Variants in WDR86 observed in about 807,000 individuals in gnomAD.
WDR86 encodes WD repeat domain 86.
In WDR86, 30 loss-of-function variants were observed where a neutral mutation model predicts 36.5. The observed-to-expected ratio is 0.82, with a 90% CI of 0.61 to 1.11. WDR86 has a LOEUF of 1.11. Among genes scored for constraint, WDR86 ranks in the 50% most tolerant of loss-of-function variants. The probability of loss-of-function intolerance (pLI) is 0.00; values close to 1 mark genes in which losing one functional copy is unlikely to be tolerated. For missense variants in WDR86, 545 were observed against 561.2 expected, an observed-to-expected ratio of 0.97 and a Z score of 0.29; for synonymous variants, 255 against 252.9, an observed-to-expected ratio of 1.01 and a Z score of -0.08.
chr7:151,408,991 A>G lies in WDR86; in HGVS notation c.163+436T>C, dbSNP rs138668819. 10 of 476,936 alleles carry G rather than the reference A, an allele frequency of 2.1e-5. No homozygotes were observed. The Admixed American group carries it at 2.3e-4, about 11-fold the overall frequency. The allele number at this position is 476,936 out of a possible 1,614,324, so 29.5% of individuals were successfully genotyped here. A position where few individuals can be genotyped will look rare whatever the true frequency, so the allele number is the denominator to read the frequency against. ...TTAACAAGCGTCTACTGTTGCTGTG[A>G]GAGTCGTCAACAGGAAATGCCAGCA... is the stretch of plus-strand genomic sequence containing the variant. On this transcript the variant is annotated intron_variant, in intron 1 of 5. Transcript: ENST00000334493.
At chr7:151,387,105 CCAGA>C (rs973338533) in intron 3 of WDR86, among the ~76,000 whole-genome samples, 1 of 152,220 alleles carries the variant, frequency 6.6e-6, no homozygotes, top group African/African-American at 2.4e-5. Flanking sequence ...TGCTTGCGTC[CCAGA>C]CAGTCACAGA....
downstream of WDR86, chr7:151,376,153 T>C (rs1307295718): frequency 1.9e-6 from 1 of 540,078 alleles, no homozygotes; most frequent in Non-Finnish European, 3.3e-6. Context: ...ACTGGGGAAG[T>C]GTCAGGAAGT....
At chr7:151,377,807 C>T (rs1250129217), downstream of WDR86, 3 of 152,286 alleles carry the variant, frequency 2.0e-5, no homozygotes, top group Non-Finnish European at 4.4e-5. Context: ...CAAATGGCTT[C>T]AGCCTGGGAC....
At chr7:151,397,155 C>A (rs1799882521) in intron 2 of WDR86, among the ~76,000 whole-genome samples, 1 of 152,212 alleles carries the variant, frequency 6.6e-6, no homozygotes, top group South Asian at 2.1e-4. Context: ...CAAGGTGCAT[C>A]CCTGCCGGGG....
intron 3 of WDR86, among the ~76,000 whole-genome samples, chr7:151,387,462 CCCTCTAGCTGGTTTCCTGA>C (rs1278988928): frequency 6.6e-6 from 1 of 152,152 alleles, no homozygotes; most frequent in Non-Finnish European, 1.5e-5. Context: ...CCTTGCTGTT[CCCTCTAGCTGGTTTCCTGA>C]CAGGACAGGG....
Position 151,381,890 on chromosome 7 carries a change from G to A in WDR86, c.954C>T (p.Ile318=). Reference sequence around the variant, plus strand: ...CAGAGGGACCTACCTGGATGCAGTTGATGATGAATGTGTGGCCCCGGAACA... The same window carrying A: ...CAGAGGGACCTACCTGGATGCAGTTAATGATGAATGTGTGGCCCCGGAACA... The part of the protein sequence containing the change: ...RRVFRGHTFI[I]NCIQVHGQVL... The change falls in exon 5 of 6, where the codon ATC becomes ATT. Residue 318 remains isoleucine (I), a synonymous_variant. Coordinates refer to ENST00000334493, the MANE Select transcript of WDR86 (RefSeq NM_198285.3). The surrounding 1 kb of genome is among the most constrained non-coding windows in gnomAD (Gnocchi z 4.8). 1 of 1,609,674 alleles carries A rather than the reference G, an allele frequency of 6.2e-7. No homozygotes were observed. Among genetic ancestry groups the A allele is most frequent in the South Asian group, 1.1e-5 (1 of 90,408 alleles).
rs1458512929 is a variant in WDR86, at chr7:151,388,907, A to T, written c.727-3684T>A. Among the ~76,000 whole-genome samples the T allele has an allele frequency of 6.6e-6, 1 of 152,116 alleles. No individual in the cohort carries two copies. Among genetic ancestry groups the T allele is most frequent in the Non-Finnish European group, 1.5e-5 (1 of 68,028 alleles). ...GTTATGAGGGCCCGCCTCATAAATG[A>T]GATGAGTTCCCTTTTATAAAAGGGC... On this transcript the variant is annotated intron_variant, in intron 3 of 5. Coordinates refer to ENST00000334493, the MANE Select transcript of WDR86 (RefSeq NM_198285.3). This position sits in a 1 kb window ranked among gnomAD's most constrained non-coding sequence, Gnocchi z 4.2.
At position 151,381,387 on chromosome 7, in the gene WDR86, G is replaced by GGCGAGCACTCCCGCTCCCAGC; in HGVS notation, c.*174_*194dup. 1 of 1,462,900 alleles carries GGCGAGCACTCCCGCTCCCAGC rather than the reference G, an allele frequency of 6.8e-7. No homozygotes were observed. The highest frequency in any genetic ancestry group is 9.0e-7 in the Non-Finnish European group (1 of 1,117,232). 90.6% of individuals were successfully genotyped at this position (1,462,900 alleles called of 1,614,324 possible). ...AAAGGGAAAAGGGGGCGGTCCCCAG[G>GGCGAGCACTCCCGCTCCCAGC]GCGAGCACTCCCGCTCCCAGCGCCT... On this transcript the variant is annotated 3_prime_UTR_variant, in exon 6 of 6. Coordinates refer to ENST00000334493, the MANE Select transcript of WDR86 (RefSeq NM_198285.3). The surrounding 1 kb of genome is among the most constrained non-coding windows in gnomAD (Gnocchi z 4.8).
At chr7:151,387,411 G>A (rs1046021222) in intron 3 of WDR86, among the ~76,000 whole-genome samples, 18 of 152,144 alleles carry the variant, frequency 1.2e-4, no homozygotes, top group Admixed American at 4.6e-4. Context: ...CACACAGGCC[G>A]AGGGGGCGCT....
intron 3 of WDR86, among the ~76,000 whole-genome samples, chr7:151,393,368 A>G (rs901508650): frequency 5.3e-5 from 8 of 152,138 alleles, no homozygotes; most frequent in African/African-American, 1.9e-4. Context: ...ACTCTCTGCC[A>G]GGACACCCTA....
downstream of WDR86, among the ~76,000 whole-genome samples, chr7:151,380,527 C>G (rs975572768): frequency 6.6e-6 from 1 of 152,172 alleles, no homozygotes; most frequent in Non-Finnish European, 1.5e-5. Flanking sequence ...TCTCCTGGCA[C>G]CCGGGCCAAC....
rs1214071175 is a variant in WDR86 at position 151,406,467 on chromosome 7, C to T, written c.163+2960G>A. 6.6e-6 allele frequency among the ~76,000 whole-genome samples: 1 copy of T among 152,180 alleles called. No homozygotes were observed. The highest frequency in any genetic ancestry group is 1.9e-4 in the East Asian group (1 of 5,196). Reference sequence around the variant, plus strand: ...ATCCAGGACCGGCCAACCACAGGCTCTTGTGGGCCCAGAGCTGTGCAAGGG... The same window carrying T: ...ATCCAGGACCGGCCAACCACAGGCTTTTGTGGGCCCAGAGCTGTGCAAGGG... On this transcript the variant is annotated intron_variant, in intron 1 of 5. Coordinates refer to ENST00000334493, the MANE Select transcript of WDR86 (RefSeq NM_198285.3). This position sits in a 1 kb window ranked among gnomAD's most constrained non-coding sequence, Gnocchi z 4.4.
chr7:151,379,986 G>A (rs762856044), downstream of WDR86, among the ~76,000 whole-genome samples: 4 of 152,244 alleles, frequency 2.6e-5, no homozygotes, highest in Non-Finnish European at 5.9e-5. Flanking sequence ...ACGATGGAAA[G>A]GTCCTCTCTG....
At chr7:151,376,955 C>T (rs1327165507), downstream of WDR86, 1 of 1,410,664 alleles carries the variant, frequency 7.1e-7, no homozygotes, top group East Asian at 2.5e-5. Flanking sequence ...GTGTGGCCAG[C>T]AAGAGGCACA....
chr7:151,409,401 G>T lies in WDR86; in HGVS notation c.163+26C>A. 1 of 1,556,008 alleles carries T rather than the reference G, an allele frequency of 6.4e-7. No homozygotes were observed. Among genetic ancestry groups the T allele is most frequent in the Non-Finnish European group, 8.7e-7 (1 of 1,152,674 alleles). On this transcript the variant is annotated intron_variant, in intron 1 of 5. Transcript: ENST00000334493. This position sits in a 1 kb window ranked among gnomAD's most constrained non-coding sequence, Gnocchi z 5.2. ...GGGGCCGGTGAGCTGCGGCGAAGAG[G>T]TCAGGGAGGGAGTGGGAGGGTCTAC... is the stretch of plus-strand genomic sequence containing the variant.
Position 151,409,087 on chromosome 7 carries a change from A to G in WDR86, c.163+340T>C, listed in dbSNP as rs1409818776. 1.7e-6 allele frequency: 1 copy of G among 572,094 alleles called. No individual in the cohort carries two copies. The highest frequency in any genetic ancestry group is 4.3e-5 in the East Asian group (1 of 23,396). The allele number at this position is 572,094 out of a possible 1,614,324, so 35.4% of individuals were successfully genotyped here. On this transcript the variant is annotated intron_variant, in intron 1 of 5. Coordinates refer to ENST00000334493, the MANE Select transcript of WDR86 (RefSeq NM_198285.3). This position sits in a 1 kb window ranked among gnomAD's most constrained non-coding sequence, Gnocchi z 5.2. ...AAGGGAAGGTTTGCTTAGAAGGAGT[A>G]TAGGTGCAACTTTTTGTTTGTTAAC...
rs1009166952 is a variant in WDR86 at position 151,382,097 on chromosome 7, C to A, written c.863-116G>T. On this transcript the variant is annotated intron_variant, in intron 4 of 5. Transcript: ENST00000334493. ...CCGAGACTCCGCCCCACGGGGGTAT[C>A]CTGAGGCTCATATGGGAAGTGGACA... 60 of 847,740 alleles carry A rather than the reference C, an allele frequency of 7.1e-5. No individual in the cohort carries two copies. In the African/African-American group the frequency reaches 9.7e-4, roughly 14 times the overall value. The allele number at this position is 847,740 out of a possible 1,614,324, so 52.5% of individuals were successfully genotyped here. A position where few individuals can be genotyped will look rare whatever the true frequency, so the allele number is the denominator to read the frequency against.
chr7:151,404,932 G>A (rs1270285841), intron 1 of WDR86, among the ~76,000 whole-genome samples: 1 of 152,214 alleles, frequency 6.6e-6, no homozygotes, highest in Non-Finnish European at 1.5e-5. Flanking sequence ...CGTGGAAGCC[G>A]TGTCTCCCTT....
At chr7:151,387,514 C>T (rs925517980) in intron 3 of WDR86, among the ~76,000 whole-genome samples, 1 of 152,110 alleles carries the variant, frequency 6.6e-6, no homozygotes, top group South Asian at 2.1e-4. Context: ...CCCAGGGAGG[C>T]CTGAGCCAAG....
Sources: allele counts gnomAD v4.1 joint callset (sites outside exome capture counted in the v4.1 genomes callset), GRCh38; gene constraint gnomAD v4.1.1; non-coding constraint Gnocchi (gnomAD v3.1); transcripts MANE v1.5; gene names NCBI Gene and HGNC (gene_info 2026-07-23, HGNC 2026-07-21).